The following PCSK5 variants were observed in gnomAD, a reference collection of about 807,000 sequenced individuals.
The protein encoded by PCSK5 is prohormone convertase 5.
A neutral mutation model predicts 233.2 loss-of-function variants in PCSK5; 129 were observed. The observed-to-expected ratio is 0.55, with a 90% confidence interval of 0.48 to 0.64. PCSK5 has a LOEUF of 0.64. PCSK5 is among the 30% of genes least tolerant of loss of function. The pLI is 0.00. For synonymous variants in PCSK5, 825 were observed against 879.2 expected (o/e 0.94, Z 1.09); for missense variants, 2,076 against 2,430.1 (o/e 0.85, Z 3.06).
In PCSK5 at chr9:76,126,613, C is replaced by CA. The variant is rs1378510964; in HGVS notation, c.1209-7486dup. Among the ~76,000 whole-genome samples the CA allele has an allele frequency of 2.0e-3, 296 of 146,198 alleles. 4 individuals carry two copies. Among genetic ancestry groups the CA allele is most frequent in the South Asian group, 0.011 (52 of 4,600 alleles). ...GGGCAACAAGAGTGAAACTCCATCT[C>CA]AAAAAAAAAACCGTTTTTTACAGCA... On this transcript the variant is annotated intron_variant, in intron 9 of 37. Coordinates refer to ENST00000674117, the MANE Select transcript of PCSK5 (RefSeq NM_001372043.1).
intron 20 of PCSK5, among the ~76,000 whole-genome samples, chr9:76,200,744 G>A (rs770935582): frequency 1.3e-5 from 2 of 152,194 alleles, no homozygotes; most frequent in African/African-American, 2.4e-5. Flanking sequence ...TGTGGACGGC[G>A]ATCACTTGGA....
intron 9 of PCSK5, among the ~76,000 whole-genome samples, chr9:76,108,454 A>G (rs1237566405): frequency 1.3e-5 from 2 of 152,208 alleles, no homozygotes; most frequent in African/African-American, 4.8e-5. Context: ...AGGCTCAGGG[A>G]TTACAATAAG....
At chr9:76,223,596 C>G (rs931143597) in intron 20 of PCSK5, among the ~76,000 whole-genome samples, 1 of 152,050 alleles carries the variant, frequency 6.6e-6, no homozygotes, top group Non-Finnish European at 1.5e-5. Context: ...TGTCTTTGAA[C>G]CATTATAGCA....
At chr9:76,123,796 A>C (rs1019548302) in intron 9 of PCSK5, among the ~76,000 whole-genome samples, 8 of 152,188 alleles carry the variant, frequency 5.3e-5, no homozygotes, top group African/African-American at 9.6e-5. Flanking sequence ...CTGCAAATAT[A>C]TCTTCTGTAT....
At chr9:75,916,720 T>C (rs1161810918) in intron 1 of PCSK5, among the ~76,000 whole-genome samples, 1 of 152,082 alleles carries the variant, frequency 6.6e-6, no homozygotes, top group South Asian at 2.1e-4. Flanking sequence ...TAGGGGATGA[T>C]GTTAGACAGG....
intron 35 of PCSK5, among the ~76,000 whole-genome samples, chr9:76,349,280 AAAAAAAAAAAAGAAAAAAG>A (rs1198239058): frequency 6.9e-5 from 9 of 130,470 alleles, no homozygotes; most frequent in South Asian, 5.1e-4. Flanking sequence ...TCTCAAAAAA[AAAAAAAAAAAAGAAAAAAG>A]AAAAAGAAAA....
At chr9:76,187,001 T>C (rs1359619981) in intron 17 of PCSK5, among the ~76,000 whole-genome samples, 1 of 152,030 alleles carries the variant, frequency 6.6e-6, no homozygotes, top group Non-Finnish European at 1.5e-5. Context: ...TTTTAAATAG[T>C]GGTGAAGAAC....
In PCSK5 at chr9:76,362,431, G is replaced by A. The variant is rs1024577637; in HGVS notation, c.*3509G>A. On this transcript the variant is annotated 3_prime_UTR_variant, in exon 38 of 38. Transcript: ENST00000674117. ...TTTCCAAGTAAGAGATACACAACAA[G>A]AGTGCTATTTTTTCTTCTTTTTATC... 2.6e-5 allele frequency: 4 copies of A among 152,276 alleles called. No homozygotes were observed. Among genetic ancestry groups the A allele is most frequent in the Non-Finnish European group, 5.9e-5 (4 of 68,024 alleles). The allele number at this position is 152,276 out of a possible 1,614,324, so 9.4% of individuals were successfully genotyped here.
chr9:76,332,314 A>T (rs1473048070), intron 33 of PCSK5, 119 bp from the exon 34 acceptor site: 9 of 666,800 alleles, frequency 1.3e-5, no homozygotes, highest in Non-Finnish European at 2.3e-5. Context: ...AGCTCACAGG[A>T]TCATCCCATT....
chr9:76,056,451 T>A (rs965597735), intron 5 of PCSK5, among the ~76,000 whole-genome samples: 4 of 152,074 alleles, frequency 2.6e-5, no homozygotes, highest in African/African-American at 9.7e-5. Flanking sequence ...CTTAGCAAGA[T>A]ACAGTGACCC....
Position 75,962,508 on chromosome 9 carries a change from G to A in PCSK5, c.298-23624G>A, listed in dbSNP as rs531741260. Among the ~76,000 whole-genome samples, 237 of 152,152 alleles carry A rather than the reference G, an allele frequency of 1.6e-3. 1 individual carries two copies. Among genetic ancestry groups the A allele is most frequent in the Non-Finnish European group, 2.6e-3 (180 of 68,036 alleles). On this transcript the variant is annotated intron_variant, in intron 2 of 37. Transcript: ENST00000674117. ...TGGCTCTTTCATAAGAATCAAAACT[G>A]TTGCATTTTGACAACTGGGTATTTG... is the stretch of plus-strand genomic sequence containing the variant.
intron 1 of PCSK5, among the ~76,000 whole-genome samples, chr9:75,902,229 AAAAAAAAAAAAAAAGAAAAG>A (rs1826072037): frequency 8.2e-6 from 1 of 121,802 alleles, no homozygotes; most frequent in African/African-American, 2.6e-5. Context: ...AAAAAAAAAA[AAAAAAAAAAAAAAAGAAAAG>A]GACAAAACAA....
At chr9:76,229,193 T>C (rs1825995360) in intron 21 of PCSK5, among the ~76,000 whole-genome samples, 2 of 152,246 alleles carry the variant, frequency 1.3e-5, no homozygotes, top group Admixed American at 1.3e-4. Context: ...GGACTTACTC[T>C]AAGATACAGA....
rs1403147630 is a variant in PCSK5 at position 76,239,299 on chromosome 9, C to G, written c.3073+134C>G. 8.9e-6 allele frequency: 6 copies of G among 674,070 alleles called. No homozygotes were observed. In the African/African-American group the frequency reaches 1.1e-4, roughly 12 times the overall value. The allele number at this position is 674,070 out of a possible 1,614,324, so 41.8% of individuals were successfully genotyped here. A position where few individuals can be genotyped will look rare whatever the true frequency, so the allele number is the denominator to read the frequency against. ...GGGATGATTTTGGGTGACTCCCAAC[C>G]CTAGTGGGGAGAGAGGTAACTTTCT... is the stretch of plus-strand genomic sequence containing the variant. On this transcript the variant is annotated intron_variant, in intron 23 of 37. Transcript: ENST00000674117.
chr9:75,942,591 C>A (rs537598978), intron 2 of PCSK5, among the ~76,000 whole-genome samples: 1 of 152,138 alleles, frequency 6.6e-6, no homozygotes, highest in Non-Finnish European at 1.5e-5. Flanking sequence ...TGCCAGTGCA[C>A]GGTGGCAGAA....
intron 20 of PCSK5, among the ~76,000 whole-genome samples, chr9:76,211,665 A>G (rs924367116): frequency 2.0e-5 from 3 of 152,224 alleles, no homozygotes; most frequent in African/African-American, 2.4e-5. Flanking sequence ...CATCGACAAC[A>G]TAGGGAAATG....
intron 24 of PCSK5, among the ~76,000 whole-genome samples, chr9:76,244,216 A>T (rs62563395): frequency 6.6e-6 from 1 of 152,214 alleles, no homozygotes; most frequent in Non-Finnish European, 1.5e-5. Context: ...ACAGAGCAAG[A>T]TCCTTTCTCT....
At chr9:75,982,465 T>G (rs145002968) in intron 2 of PCSK5, among the ~76,000 whole-genome samples, 6 of 152,338 alleles carry the variant, frequency 3.9e-5, no homozygotes, top group Non-Finnish European at 7.3e-5. Flanking sequence ...ACTAACAGTA[T>G]GTTATCAACC....
intron 2 of PCSK5, among the ~76,000 whole-genome samples, chr9:75,968,438 A>C (rs1825686622): frequency 6.6e-6 from 1 of 152,258 alleles, no homozygotes; most frequent in East Asian, 1.9e-4. Context: ...AGGGACACAG[A>C]TAAGAAAAAT....
Sources: gnomAD v4.1 joint callset for allele counts (sites outside exome capture counted in the v4.1 genomes callset) on GRCh38, gnomAD v4.1.1 for gene constraint, MANE v1.5 for transcripts, NCBI Gene and HGNC (gene_info 2026-07-23, HGNC 2026-07-21) for gene names.